Variants in RSBN1L observed in about 807,000 individuals in gnomAD.
RSBN1L encodes the protein lysine-specific demethylase RSBN1L.
A neutral mutation model predicts 67.7 loss-of-function variants in RSBN1L; 30 were observed. The ratio of observed to expected loss-of-function variants is 0.44; its 90% CI spans 0.33 to 0.60. The LOEUF (loss-of-function observed/expected upper bound fraction) is 0.60. RSBN1L is among the 20% of genes least tolerant of loss of function. The probability of loss-of-function intolerance (pLI) is 0.02; values close to 1 mark genes in which losing one functional copy is unlikely to be tolerated. For synonymous variants in RSBN1L, 433 were observed against 387.0 expected, an observed-to-expected ratio of 1.12 and a Z score of -1.39; for missense variants, 992 against 1,031.7, an observed-to-expected ratio of 0.96 and a Z score of 0.53.
chr7:77,764,784 C>T (rs1273385586), intron 3 of RSBN1L, among the ~76,000 whole-genome samples: 2 of 151,992 alleles, frequency 1.3e-5, no homozygotes, highest in Non-Finnish European at 2.9e-5. Context: ...GCGCCGGCCA[C>T]CACACTCGGC....
At chr7:77,741,220 C>A (rs1038979493) in intron 2 of RSBN1L, among the ~76,000 whole-genome samples, 1 of 151,632 alleles carries the variant, frequency 6.6e-6, no homozygotes, top group African/African-American at 2.4e-5. Context: ...CTCCTGACCT[C>A]AAGCAGTCCA....
chr7:77,722,699 T>C (rs1791135315), intron 1 of RSBN1L, among the ~76,000 whole-genome samples: 1 of 152,040 alleles, frequency 6.6e-6, no homozygotes, highest in Non-Finnish European at 1.5e-5. Context: ...ATTTCTCTTC[T>C]TCTGCCGCTG....
intron 1 of RSBN1L, among the ~76,000 whole-genome samples, chr7:77,733,306 A>G (rs1045288591): frequency 5.9e-5 from 9 of 152,180 alleles, no homozygotes; most frequent in African/African-American, 2.2e-4. Context: ...TTGTTTATGT[A>G]TAGATGGGAT....
chr7:77,722,735 A>T (rs1434537830), intron 1 of RSBN1L, among the ~76,000 whole-genome samples: 1 of 151,720 alleles, frequency 6.6e-6, no homozygotes, highest in East Asian at 1.9e-4. Context: ...ATTTCTAGCC[A>T]TACATTATTC....
intron 1 of RSBN1L, among the ~76,000 whole-genome samples, chr7:77,724,729 A>C (rs1304148795): frequency 6.6e-6 from 1 of 152,028 alleles, no homozygotes; most frequent in Non-Finnish European, 1.5e-5. Flanking sequence ...CCCGGCCATG[A>C]ATCCCTTTCT....
Position 77,778,932 on chromosome 7 carries a change from G to T in RSBN1L, c.2305G>T (p.Val769Phe), listed in dbSNP as rs1562812679. The change falls in exon 8 of 8, where the codon GTT becomes TTT. Residue 769 changes from valine to phenylalanine, a missense_variant. By Grantham distance (50) the Val-to-Phe change is conservative (BLOSUM62 -1). Around this residue, in one of 7 missense-constraint regions of RSBN1L, gnomAD observed 199 missense variants for 167.7 expected, o/e 1.19. Transcript: ENST00000334955. ...AAGAATCAAGGAAGAACCTGTGAAT[G>T]TTAATATTCCTGAAAAGACTACAGC... ...SVRIKEEPVN[V>F]NIPEKTTALN... 1 of 1,613,962 alleles carries T rather than the reference G, an allele frequency of 6.2e-7. No homozygotes were observed. Among genetic ancestry groups the T allele is most frequent in the Non-Finnish European group, 8.5e-7 (1 of 1,179,890 alleles).
At chr7:77,708,648 C>T (rs1212368514) in intron 1 of RSBN1L, among the ~76,000 whole-genome samples, 1 of 151,850 alleles carries the variant, frequency 6.6e-6, no homozygotes, top group Non-Finnish European at 1.5e-5. Context: ...TTCCAAAGTG[C>T]TGGGATTACA....
At chr7:77,761,053 C>T (rs770908188) in intron 3 of RSBN1L, among the ~76,000 whole-genome samples, 3 of 152,182 alleles carry the variant, frequency 2.0e-5, no homozygotes, top group African/African-American at 7.2e-5. Flanking sequence ...TCACATTGAG[C>T]GTCATCAGGA....
intron 2 of RSBN1L, among the ~76,000 whole-genome samples, chr7:77,737,530 C>T (rs558937796): frequency 1.3e-5 from 2 of 152,220 alleles, no homozygotes; most frequent in East Asian, 3.9e-4. Flanking sequence ...TCATTTTCTA[C>T]GATATTCTTT....
At chr7:77,747,144 A>G (rs1369522880) in intron 2 of RSBN1L, among the ~76,000 whole-genome samples, 1 of 152,014 alleles carries the variant, frequency 6.6e-6, no homozygotes, top group Non-Finnish European at 1.5e-5. Context: ...CCAACCCCAC[A>G]TTTCCCCACA....
rs1450186899 is a variant in RSBN1L at position 77,781,867 on chromosome 7, C to A, written c.*2699C>A. 6.6e-6 allele frequency: 1 copy of A among 151,522 alleles called. No individual in the cohort carries two copies. Among genetic ancestry groups the A allele is most frequent in the Admixed American group, 6.6e-5 (1 of 15,126 alleles). 9.4% of individuals were successfully genotyped at this position (151,522 alleles called of 1,614,324 possible). A position where few individuals can be genotyped will look rare whatever the true frequency, so the allele number is the denominator to read the frequency against. On this transcript the variant is annotated 3_prime_UTR_variant, in exon 8 of 8. Transcript: ENST00000334955. ...GGGCGTGGTGGCGTGCGCCTGTAAT[C>A]CCAGCTACTTGGGAGGCTGAGGCAG...
chr7:77,729,774 T>C (rs1791251388), intron 1 of RSBN1L, among the ~76,000 whole-genome samples: 1 of 152,068 alleles, frequency 6.6e-6, no homozygotes, highest in Admixed American at 6.5e-5. Flanking sequence ...GGCAACATAG[T>C]GAGACCCTGT....
intron 1 of RSBN1L, among the ~76,000 whole-genome samples, chr7:77,715,857 A>G (rs1281265325): frequency 1.3e-5 from 2 of 152,200 alleles, no homozygotes; most frequent in Non-Finnish European, 2.9e-5. Context: ...CCTAATGAAT[A>G]GTGATGTTGA....
At chr7:77,731,128 G>A (rs183851389) in intron 1 of RSBN1L, among the ~76,000 whole-genome samples, 66 of 152,238 alleles carry the variant, frequency 4.3e-4, no homozygotes, top group African/African-American at 1.5e-3. Flanking sequence ...GATGACATCA[G>A]GTGTGGAGTA....
At position 77,779,106 on chromosome 7, in the gene RSBN1L, A is replaced by G. The variant is rs368931719; in HGVS notation, c.2479A>G (p.Thr827Ala). The change falls in exon 8 of 8, where the codon ACA (threonine) becomes GCA (alanine). Residue 827 changes from threonine (T) to alanine (A), a missense_variant. This residue lies in a region of RSBN1L where 199 missense variants were observed against 167.7 expected (regional missense o/e 1.19). Transcript: ENST00000334955. ...CCCTGGAAATCTAAGTCTAGTTGAT[A>G]CAAGGCAACACAGTTCAGCACATTC... ...LCPGNLSLVD[T>A]RQHSSAHSNQ... The G allele has an allele frequency of 8.1e-6, 13 of 1,613,586 alleles. No homozygotes were observed. The African/African-American group carries it at 1.2e-4, about 15-fold the overall frequency.
intron 2 of RSBN1L, among the ~76,000 whole-genome samples, chr7:77,742,117 C>A (rs1791418226): frequency 6.8e-6 from 1 of 147,828 alleles, no homozygotes; most frequent in African/African-American, 2.5e-5. Flanking sequence ...ATTGCTTGAG[C>A]CTGGGAGTAC....
intron 1 of RSBN1L, among the ~76,000 whole-genome samples, chr7:77,710,836 T>TA (rs549436466): frequency 3.5e-4 from 53 of 152,236 alleles, no homozygotes; most frequent in African/African-American, 1.1e-3. Flanking sequence ...CCTCAAGTGA[T>TA]ACGCCCGCCT....
Position 77,780,153 on chromosome 7 carries a change from A to G in RSBN1L, c.*985A>G. ...CCTATGCAGGCATTTTTAACAACCA[A>G]GACTCAGTTAAGAAAGTGTGCATCT... On this transcript the variant is annotated 3_prime_UTR_variant, in exon 8 of 8. Transcript: ENST00000334955. 6.6e-6 allele frequency: 1 copy of G among 151,826 alleles called. No individual in the cohort carries two copies. 9.4% of individuals were successfully genotyped at this position (151,826 alleles called of 1,614,324 possible).
Position 77,768,713 on chromosome 7 carries a change from A to G in RSBN1L, c.1535A>G (p.Asp512Gly), listed in dbSNP as rs1373942484. 2 of 1,613,828 alleles carry G rather than the reference A, an allele frequency of 1.2e-6. No homozygotes were observed. Among genetic ancestry groups the G allele is most frequent in the African/African-American group, 2.7e-5 (2 of 74,902 alleles). ...AGTCTAAAATTACAGAGTCGAAAAG[A>G]TAGTGATGATGGTCCCATCATGTGG... ...LSSLKLQSRK[D>G]SDDGPIMWVR... The change falls in exon 5 of 8, where the codon GAT (aspartate) becomes GGT (glycine). Residue 512 changes from aspartate (D) to glycine (G), a missense_variant. Asp to Gly is a moderately conservative substitution (Grantham distance 94). Around this residue, in one of 7 missense-constraint regions of RSBN1L, gnomAD observed 67 missense variants for 130.5 expected, o/e 0.51. Coordinates refer to ENST00000334955, the MANE Select transcript of RSBN1L (RefSeq NM_198467.3).
Sources: gnomAD v4.1 joint callset for allele counts (sites outside exome capture counted in the v4.1 genomes callset) on GRCh38, gnomAD v4.1.1 for gene constraint, gnomAD v4.1.1 regional missense constraint, MANE v1.5 for transcripts, NCBI Gene and HGNC (gene_info 2026-07-23, HGNC 2026-07-21) for gene names.